LACTB2: variants seen among roughly 807,000 people sequenced by gnomAD.
LACTB2 encodes endoribonuclease LACTB2.
Under a neutral mutation model 34.8 loss-of-function variants are expected in LACTB2, and 32 were observed. The observed-to-expected ratio is 0.92, with a 90% CI of 0.69 to 1.24. The LOEUF (loss-of-function observed/expected upper bound fraction) is 1.24, where lower values mean the gene tolerates loss of function less well. Ranked by LOEUF, LACTB2 falls within the 50% of genes most tolerant of loss-of-function variation. LACTB2 has a pLI of 0.00. For missense variants in LACTB2, 320 were observed against 345.0 expected (o/e 0.93, Z 0.57); for synonymous variants, 120 against 117.5 (o/e 1.02, Z -0.14).
Position 70,663,922 on chromosome 8 carries a change from G to C in LACTB2, c.123-2025C>G, listed in dbSNP as rs1241216313. On this transcript the variant is annotated intron_variant, in intron 1 of 6. Coordinates refer to ENST00000276590, the MANE Select transcript of LACTB2 (RefSeq NM_016027.3). Reference sequence around the variant, plus strand: ...CAGAAAGCTTGTCTGTTTGGTTCAAGGAATTTATGGATTTATTTCTATATC... The same window carrying C: ...CAGAAAGCTTGTCTGTTTGGTTCAACGAATTTATGGATTTATTTCTATATC... Among the ~76,000 whole-genome samples the C allele has an allele frequency of 4.6e-5, 7 of 152,104 alleles. No individual in the cohort carries two copies. In the East Asian group the frequency reaches 1.3e-3, roughly 29 times the overall value.
At position 70,657,768 on chromosome 8, in the gene LACTB2, C is replaced by A; in HGVS notation, c.401G>T (p.Gly134Val). ...GACATTTACTTACCTTAGAGTGGCT[C>A]CCTCAGTCTTAATCACATCTCCATC... ...LKDGDVIKTE[G>V]ATLRVLYTPG... The change falls in exon 3 of 7, where the codon GGA becomes GTA. Residue 134 changes from glycine to valine, a missense_variant. By Grantham distance (109) the Gly-to-Val change is moderately radical (BLOSUM62 -3). Coordinates refer to ENST00000276590, the MANE Select transcript of LACTB2 (RefSeq NM_016027.3). The A allele has an allele frequency of 6.2e-7, 1 of 1,612,048 alleles. No homozygotes were observed. The highest frequency in any genetic ancestry group is 8.5e-7 in the Non-Finnish European group (1 of 1,178,846).
At chr8:70,646,268 C>T (rs1434505136) in intron 3 of LACTB2, 3 of 152,118 alleles carry the variant, frequency 2.0e-5, no homozygotes, top group Non-Finnish European at 4.4e-5. Context: ...GAACAGGCAA[C>T]CTACAGAATG....
At chr8:70,653,464 A>T (rs1293419553) in intron 3 of LACTB2, among the ~76,000 whole-genome samples, 1 of 152,180 alleles carries the variant, frequency 6.6e-6, no homozygotes, top group Non-Finnish European at 1.5e-5. Flanking sequence ...GCACAGTAGA[A>T]AAAAGGGGGC....
At chr8:70,646,750 T>C (rs374463338) in intron 3 of LACTB2, 11 of 152,346 alleles carry the variant, frequency 7.2e-5, no homozygotes, top group African/African-American at 2.6e-4. Flanking sequence ...TGAGTTCAAA[T>C]AATCTGTTCT....
At chr8:70,659,825 G>A (rs1458581089) in intron 2 of LACTB2, among the ~76,000 whole-genome samples, 2 of 152,192 alleles carry the variant, frequency 1.3e-5, no homozygotes, top group African/African-American at 2.4e-5. Context: ...GGTTGTTGGA[G>A]GCTGGGGATG....
rs536542387 is a variant in LACTB2 at position 70,657,692 on chromosome 8, A to C, written c.413+64T>G. ...CCTCCCAAAATGCTGGGATCCTTCCATCCTTTTCTATAACACACATACACA... is the reference window on the plus strand; with the variant it reads ...CCTCCCAAAATGCTGGGATCCTTCCCTCCTTTTCTATAACACACATACACA... On this transcript the variant is annotated intron_variant, in intron 3 of 6. Coordinates refer to ENST00000276590, the MANE Select transcript of LACTB2 (RefSeq NM_016027.3). 8 of 1,439,438 alleles carry C rather than the reference A, an allele frequency of 5.6e-6. No homozygotes were observed. In the African/African-American group the frequency reaches 1.2e-4, roughly 21 times the overall value. 89.2% of individuals were successfully genotyped at this position (1,439,438 alleles called of 1,614,324 possible).
intron 2 of LACTB2, chr8:70,660,729 C>T: frequency 2.2e-6 from 1 of 456,316 alleles, no homozygotes; most frequent in South Asian, 1.5e-5. Context: ...TTTACGCTCT[C>T]TTCCCTTTCT....
At chr8:70,641,484 C>T (rs1024105815) in intron 4 of LACTB2, among the ~76,000 whole-genome samples, 3 of 152,080 alleles carry the variant, frequency 2.0e-5, no homozygotes, top group South Asian at 2.1e-4. Flanking sequence ...CTGAGACATA[C>T]GGAGGGTAAA....
chr8:70,644,312 A>G (rs1818236557), intron 3 of LACTB2, 69 bp from the exon 4 acceptor site: 2 of 1,090,812 alleles, frequency 1.8e-6, no homozygotes, highest in African/African-American at 3.2e-5. Flanking sequence ...TTTGAGAAGT[A>G]AATTATTCTG....
In LACTB2 at chr8:70,661,751, C is replaced by G; in HGVS notation, c.269G>C (p.Cys90Ser). 6.2e-7 allele frequency: 1 copy of G among 1,608,052 alleles called. No individual in the cohort carries two copies. The highest frequency in any genetic ancestry group is 8.5e-7 in the Non-Finnish European group (1 of 1,178,482). Residue 90 changes from cysteine to serine, a missense_variant, in exon 2 of 7, where the codon TGT becomes TCT. Physicochemically the swap from Cys to Ser is moderately radical, Grantham distance 112. Transcript: ENST00000276590. ...CTGTTTACCATTATTGATGCTTTTA[C>G]AAATATCTCCTATGCCTCCAGAATG... ...RDHSGGIGDI[C>S]KSINNDTTYC...
At chr8:70,638,743 C>CA in intron 5 of LACTB2, 114 bp from the exon 6 acceptor site, 3 of 828,068 alleles carry the variant, frequency 3.6e-6, no homozygotes, top group Non-Finnish European at 4.9e-6. Flanking sequence ...ATCTTAAACA[C>CA]ATTTTTTTTT....
chr8:70,644,888 C>T (rs1221140845), intron 3 of LACTB2, among the ~76,000 whole-genome samples: 2 of 152,026 alleles, frequency 1.3e-5, no homozygotes, highest in Admixed American at 6.6e-5. Flanking sequence ...CATTTCTATT[C>T]CTCAGAGGGA....
chr8:70,659,860 G>A (rs1037737435), intron 2 of LACTB2, among the ~76,000 whole-genome samples: 2 of 152,198 alleles, frequency 1.3e-5, no homozygotes, highest in African/African-American at 4.8e-5. Flanking sequence ...AAAGCAGCAT[G>A]AGGGGACCTC....
At chr8:70,667,839 C>T (rs1276106602) in intron 1 of LACTB2, among the ~76,000 whole-genome samples, 3 of 152,186 alleles carry the variant, frequency 2.0e-5, no homozygotes, top group Non-Finnish European at 2.9e-5. Flanking sequence ...CAGGGTAATT[C>T]TGATAATATG....
chr8:70,668,019 T>G (rs926122733), intron 1 of LACTB2, among the ~76,000 whole-genome samples: 2 of 152,214 alleles, frequency 1.3e-5, no homozygotes, highest in Non-Finnish European at 2.9e-5. Flanking sequence ...GCCTAAACCT[T>G]TGGTAACTAC....
chr8:70,648,734 T>A (rs1274650179), intron 3 of LACTB2, among the ~76,000 whole-genome samples: 1 of 152,166 alleles, frequency 6.6e-6, no homozygotes, highest in Admixed American at 6.5e-5. Context: ...TATCATGGAT[T>A]GACAAAGACT....
chr8:70,640,678 T>G, intron 5 of LACTB2: 1 of 321,058 alleles, frequency 3.1e-6, no homozygotes, highest in African/African-American at 2.2e-5. Flanking sequence ...TCCTACATAG[T>G]TAAGTATATA....
intron 3 of LACTB2, among the ~76,000 whole-genome samples, chr8:70,649,960 C>A (rs1252294300): frequency 6.6e-6 from 1 of 152,004 alleles, no homozygotes; most frequent in Non-Finnish European, 1.5e-5. Flanking sequence ...ATAAGTAAAC[C>A]TTTTGAAAAA....
intron 3 of LACTB2, among the ~76,000 whole-genome samples, chr8:70,645,458 T>C (rs544503356): frequency 2.0e-5 from 3 of 152,318 alleles, no homozygotes; most frequent in East Asian, 1.9e-4. Flanking sequence ...TAAAAGAAAC[T>C]TTCTTAACAT....
Sources: gnomAD v4.1 joint callset for allele counts (sites outside exome capture counted in the v4.1 genomes callset) on GRCh38, gnomAD v4.1.1 for gene constraint, MANE v1.5 for transcripts, NCBI Gene and HGNC (gene_info 2026-07-23, HGNC 2026-07-21) for gene names.